Variants in LUZP2 observed in about 807,000 individuals in gnomAD.
The protein encoded by LUZP2 is leucine zipper protein 2.
Under a neutral mutation model 51.6 loss-of-function variants are expected in LUZP2, and 52 were observed. That is an observed-to-expected ratio of 1.01 (90% CI 0.81 to 1.27). The LOEUF (loss-of-function observed/expected upper bound fraction) is 1.27. Among genes scored for constraint, LUZP2 ranks in the 50% most tolerant of loss-of-function variants. The pLI, the probability that LUZP2 is intolerant of heterozygous loss-of-function variation, is 0.00. For synonymous variants in LUZP2, 154 were observed against 137.3 expected (o/e 1.12, Z -0.85); for missense variants, 436 against 395.4 (o/e 1.10, Z -0.87).
chr11:24,991,294 T>C (rs1003984804), intron 9 of LUZP2, among the ~76,000 whole-genome samples: 3 of 151,566 alleles, frequency 2.0e-5, no homozygotes, highest in Admixed American at 6.6e-5. Flanking sequence ...GCGAATGCCA[T>C]TAATTTATTC....
chr11:24,902,838 C>T (rs555705369), intron 5 of LUZP2, among the ~76,000 whole-genome samples: 1 of 151,926 alleles, frequency 6.6e-6, no homozygotes, highest in South Asian at 2.1e-4. Flanking sequence ...CAAAATTTCC[C>T]CTTAGTGTTA....
chr11:24,940,161 A>G (rs1365914792), intron 7 of LUZP2, among the ~76,000 whole-genome samples: 1 of 152,196 alleles, frequency 6.6e-6, no homozygotes, highest in Non-Finnish European at 1.5e-5. Context: ...AAAAACACAC[A>G]CATTGAAATC....
chr11:24,569,349 A>G (rs566147293), intron 1 of LUZP2, among the ~76,000 whole-genome samples: 282 of 152,212 alleles, frequency 1.9e-3, no homozygotes, highest in African/African-American at 6.6e-3. Flanking sequence ...TTTTATATTG[A>G]TAAGTAATCT....
chr11:24,762,044 A>G (rs889859175), intron 4 of LUZP2, among the ~76,000 whole-genome samples: 2 of 151,942 alleles, frequency 1.3e-5, no homozygotes, highest in African/African-American at 2.4e-5. Context: ...AAATTGGACA[A>G]AACATTCATA....
At chr11:24,644,236 T>C (rs1855397569) in intron 1 of LUZP2, among the ~76,000 whole-genome samples, 1 of 152,144 alleles carries the variant, frequency 6.6e-6, no homozygotes, top group South Asian at 2.1e-4. Context: ...GCTTGACTCT[T>C]TCTTATGTTT....
intron 5 of LUZP2, among the ~76,000 whole-genome samples, chr11:24,875,873 ATG>A (rs1852242654): frequency 1.3e-5 from 2 of 151,822 alleles, no homozygotes; most frequent in African/African-American, 2.4e-5. Flanking sequence ...GCATTTTTTC[ATG>A]TGTTTTTTGG....
chr11:24,832,517 A>T (rs1002699619), intron 5 of LUZP2, among the ~76,000 whole-genome samples: 1 of 151,878 alleles, frequency 6.6e-6, no homozygotes, highest in African/African-American at 2.4e-5. Context: ...GTTTTCTATA[A>T]TATCTTGTTA....
chr11:24,526,913 G>A (rs1850825150), intron 1 of LUZP2, among the ~76,000 whole-genome samples: 1 of 151,286 alleles, frequency 6.6e-6, no homozygotes, highest in African/African-American at 2.4e-5. Context: ...CTGTTTGAAG[G>A]TGGCACTCTA....
chr11:24,662,041 C>T (rs187362280), intron 1 of LUZP2, among the ~76,000 whole-genome samples: 11 of 151,816 alleles, frequency 7.2e-5, no homozygotes, highest in East Asian at 1.9e-4. Context: ...ACAATGCCAC[C>T]GACAGGCAAA....
Position 24,720,369 on chromosome 11 carries a change from A to T in LUZP2, c.63-8800A>T, listed in dbSNP as rs180685708. Among the ~76,000 whole-genome samples the T allele has an allele frequency of 1.0e-3, 156 of 152,362 alleles. 1 individual carries two copies. The highest frequency in any genetic ancestry group is 3.6e-3 in the African/African-American group (151 of 41,596). On this transcript the variant is annotated intron_variant, in intron 1 of 11. Transcript: ENST00000336930. ...TATGAAAATAAATGTAAAAATTATA[A>T]GCAAAATATTAGGAAACTGAATCTA...
At chr11:24,688,641 C>G (rs1856970189) in intron 1 of LUZP2, among the ~76,000 whole-genome samples, 2 of 152,132 alleles carry the variant, frequency 1.3e-5, no homozygotes. Flanking sequence ...AAACTGGAAC[C>G]TACCACTTGC....
intron 10 of LUZP2, among the ~76,000 whole-genome samples, chr11:25,058,937 A>C (rs974369303): frequency 1.3e-5 from 2 of 152,196 alleles, no homozygotes; most frequent in Non-Finnish European, 2.9e-5. Flanking sequence ...TCATAGAAAA[A>C]TTCAGTCAAA....
Position 25,082,540 on chromosome 11 carries a change from T to G in LUZP2, c.*3882T>G, listed in dbSNP as rs938139790. On this transcript the variant is annotated 3_prime_UTR_variant, in exon 12 of 12. Coordinates refer to ENST00000336930, the MANE Select transcript of LUZP2 (RefSeq NM_001009909.4). ...TAGTCCTAAATTTCCCCAAACTATG[T>G]GTTCATTTGGATTGTGTTATATAAT... 1 of 152,280 alleles carries G rather than the reference T, an allele frequency of 6.6e-6. No individual in the cohort carries two copies. The highest frequency in any genetic ancestry group is 1.5e-5 in the Non-Finnish European group (1 of 68,026). 9.4% of individuals were successfully genotyped at this position (152,280 alleles called of 1,614,324 possible).
At chr11:24,613,099 A>G (rs988311539) in intron 1 of LUZP2, among the ~76,000 whole-genome samples, 3 of 152,096 alleles carry the variant, frequency 2.0e-5, no homozygotes, top group African/African-American at 7.2e-5. Context: ...TCCCTCTCTA[A>G]CTTCCTAAAA....
At chr11:24,664,105 G>A (rs1856126744) in intron 1 of LUZP2, among the ~76,000 whole-genome samples, 2 of 152,174 alleles carry the variant, frequency 1.3e-5, no homozygotes, top group South Asian at 4.1e-4. Context: ...AACAGACAGA[G>A]ATTGGAAGAG....
At chr11:24,936,058 G>T (rs1370177127) in intron 7 of LUZP2, among the ~76,000 whole-genome samples, 1 of 152,032 alleles carries the variant, frequency 6.6e-6, no homozygotes, top group Non-Finnish European at 1.5e-5. Flanking sequence ...TTAGTGAGTT[G>T]CTAGTGTTTT....
At chr11:24,782,138 C>T (rs921452179) in intron 5 of LUZP2, among the ~76,000 whole-genome samples, 3 of 151,988 alleles carry the variant, frequency 2.0e-5, no homozygotes, top group Non-Finnish European at 2.9e-5. Flanking sequence ...AATCTGCATT[C>T]CCTAAATTTA....
intron 1 of LUZP2, among the ~76,000 whole-genome samples, chr11:24,569,127 A>G (rs1852342751): frequency 6.6e-6 from 1 of 152,120 alleles, no homozygotes; most frequent in Non-Finnish European, 1.5e-5. Flanking sequence ...CCTTTGGGTT[A>G]AAATATTCAA....
chr11:24,857,563 C>CTT (rs200241186), intron 5 of LUZP2, among the ~76,000 whole-genome samples: 218 of 145,818 alleles, frequency 1.5e-3, no homozygotes, highest in Non-Finnish European at 1.3e-3. Flanking sequence ...CAAAATAGGT[C>CTT]TTTTTTTTTT....
Sources: gnomAD v4.1 joint callset for allele counts (sites outside exome capture counted in the v4.1 genomes callset) on GRCh38, gnomAD v4.1.1 for gene constraint, MANE v1.5 for transcripts, NCBI Gene and HGNC (gene_info 2026-07-23, HGNC 2026-07-21) for gene names.